The following SQLE variants were observed in gnomAD, a reference collection of about 807,000 sequenced individuals.
SQLE encodes squalene monooxygenase.
A neutral mutation model predicts 60.7 loss-of-function variants in SQLE; 29 were observed. The ratio of observed to expected loss-of-function variants is 0.48; its 90% CI spans 0.36 to 0.65. The LOEUF (loss-of-function observed/expected upper bound fraction) is 0.65, where lower values mean the gene tolerates loss of function less well. SQLE is among the 30% of genes least tolerant of loss of function. SQLE has a pLI of 0.00. For synonymous variants in SQLE, 237 were observed against 246.8 expected (o/e 0.96, Z 0.37); for missense variants, 605 against 684.1 (o/e 0.88, Z 1.29).
rs1563594370 is a variant in SQLE at position 124,999,531 on chromosome 8, C to G, written c.128C>G (p.Ser43Cys). 1 of 1,613,006 alleles carries G rather than the reference C, an allele frequency of 6.2e-7. No individual in the cohort carries two copies. The highest frequency in any genetic ancestry group is 8.5e-7 in the Non-Finnish European group (1 of 1,179,452). ...TTCCTCTCGCTGGGCCTGGTGCTCT[C>G]CTACCGCTGTCGCCACCGAAACGGG... is the stretch of plus-strand genomic sequence containing the variant. The part of the protein sequence containing the change: ...LVFLSLGLVL[S>C]YRCRHRNGGL... Residue 43 changes from serine (S) to cysteine (C), a missense_variant, in exon 1 of 11, where the codon TCC (serine) becomes TGC (cysteine). Coordinates refer to ENST00000265896, the MANE Select transcript of SQLE (RefSeq NM_003129.4).
chr8:125,001,073 A>G (rs939784779), intron 1 of SQLE, among the ~76,000 whole-genome samples: 2 of 152,126 alleles, frequency 1.3e-5, no homozygotes, highest in Non-Finnish European at 2.9e-5. Flanking sequence ...GAGCTTTATG[A>G]GTAGCGCTGA....
At chr8:125,018,939 T>A (rs1281922697) in intron 9 of SQLE, 1 of 505,454 alleles carries the variant, frequency 2.0e-6, no homozygotes, top group South Asian at 2.4e-5. Context: ...ACAACATTAA[T>A]AGCAATGCCT....
chr8:125,014,930 T>G (rs1215487992), intron 7 of SQLE, among the ~76,000 whole-genome samples: 1 of 152,224 alleles, frequency 6.6e-6, no homozygotes, highest in Non-Finnish European at 1.5e-5. Flanking sequence ...TAGGTCTGTT[T>G]GGCCTGTAGT....
At chr8:125,014,155 A>G (rs1294014433) in intron 7 of SQLE, among the ~76,000 whole-genome samples, 2 of 152,156 alleles carry the variant, frequency 1.3e-5, no homozygotes, top group Non-Finnish European at 2.9e-5. Context: ...AAGGTAATGA[A>G]TAAATTTGGG....
intron 1 of SQLE, among the ~76,000 whole-genome samples, chr8:125,000,230 C>T (rs1814820657): frequency 6.6e-6 from 1 of 152,094 alleles, no homozygotes; most frequent in Non-Finnish European, 1.5e-5. Flanking sequence ...GTAGTAATGT[C>T]CTAACATAAA....
chr8:125,009,391 GC>G, intron 6 of SQLE, 48 bp downstream of exon 6: 1 of 1,523,784 alleles, frequency 6.6e-7, no homozygotes, highest in South Asian at 1.2e-5. Flanking sequence ...TCTAAAATAG[GC>G]CAGAGATAAG....
intron 1 of SQLE, among the ~76,000 whole-genome samples, chr8:125,002,334 C>G (rs7001228): frequency 0.32 from 48,338 of 152,026 alleles, 8,923 homozygotes; most frequent in African/African-American, 0.5. Flanking sequence ...ATTAAATTAA[C>G]ATAGATTTTT....
chr8:125,014,362 T>C (rs913479517), intron 7 of SQLE, among the ~76,000 whole-genome samples: 1 of 152,192 alleles, frequency 6.6e-6, no homozygotes, highest in Non-Finnish European at 1.5e-5. Context: ...GATTTTATCT[T>C]TTCAAAGAAC....
rs1183001501 is a variant in SQLE at position 124,999,675 on chromosome 8, A to G, written c.272A>G (p.Glu91Gly). 6.2e-7 allele frequency: 1 copy of G among 1,602,186 alleles called. No individual in the cohort carries two copies. Among genetic ancestry groups the G allele is most frequent in the African/African-American group, 1.3e-5 (1 of 74,468 alleles). The change falls in exon 1 of 11, where the codon GAG becomes GGG. Residue 91 changes from glutamate to glycine, a missense_variant. By Grantham distance (98) the Glu-to-Gly change is moderately conservative (BLOSUM62 -2). Coordinates refer to ENST00000265896, the MANE Select transcript of SQLE (RefSeq NM_003129.4). ...AKSPPESENK[E>G]QLEARRRRKG... is the part of the protein sequence containing the mutation. The stretch of plus-strand genomic sequence containing the variant: ...TCCCCCCCTGAATCAGAAAATAAGG[A>G]GCAGCTCGAGGCCAGGAGGGTAGGT...
At chr8:125,002,495 T>C (rs1814870864) in intron 1 of SQLE, among the ~76,000 whole-genome samples, 1 of 152,050 alleles carries the variant, frequency 6.6e-6, no homozygotes, top group Admixed American at 6.5e-5. Context: ...CTGACCAACA[T>C]GGAGAAGCCC....
At chr8:125,007,313 C>A in intron 3 of SQLE, 78 bp from the exon 4 acceptor site, 1 of 1,071,586 alleles carries the variant, frequency 9.3e-7, no homozygotes, top group Non-Finnish European at 1.3e-6. Flanking sequence ...TATGGATAAA[C>A]TGGAGATAAG....
intron 3 of SQLE, among the ~76,000 whole-genome samples, chr8:125,006,232 A>C (rs932918304): frequency 6.6e-6 from 1 of 152,240 alleles, no homozygotes; most frequent in Non-Finnish European, 1.5e-5. Context: ...CACAGACTAA[A>C]GTATTGACAA....
chr8:125,001,795 T>G (rs575193789), intron 1 of SQLE, among the ~76,000 whole-genome samples: 74 of 101,268 alleles, frequency 7.3e-4, no homozygotes, highest in Middle Eastern at 7.4e-3. Context: ...TCCTTTTTGC[T>G]TGATTATTTT....
At chr8:125,007,549 C>G in intron 4 of SQLE, 62 bp downstream of exon 4, 1 of 1,166,590 alleles carries the variant, frequency 8.6e-7, no homozygotes, top group Non-Finnish European at 1.2e-6. Flanking sequence ...TTTTCACTTA[C>G]CCCTTTAAAA....
intron 6 of SQLE, chr8:125,011,152 A>G (rs1815035007): frequency 6.5e-6 from 1 of 154,732 alleles, no homozygotes; most frequent in Non-Finnish European, 1.4e-5. Flanking sequence ...AGTGTATTTC[A>G]TCTGATTATT....
chr8:125,022,100 A>T lies in SQLE; in HGVS notation c.*155A>T. 2 of 452,364 alleles carry T rather than the reference A, an allele frequency of 4.4e-6. No individual in the cohort carries two copies. Among genetic ancestry groups the T allele is most frequent in the Non-Finnish European group, 7.3e-6 (2 of 273,892 alleles). 28.0% of individuals were successfully genotyped at this position (452,364 alleles called of 1,614,324 possible). The stretch of plus-strand genomic sequence containing the variant: ...TTAATTTGTTTTTGAAGTTTTTTGT[A>T]TATAAATATGTAAATACATGCTTTA... On this transcript the variant is annotated 3_prime_UTR_variant, in exon 11 of 11. Coordinates refer to ENST00000265896, the MANE Select transcript of SQLE (RefSeq NM_003129.4).
chr8:125,007,385 CT>C lies in SQLE; in HGVS notation c.726-3del. The C allele has an allele frequency of 6.6e-7, 1 of 1,517,094 alleles. No homozygotes were observed. Among genetic ancestry groups the C allele is most frequent in the Non-Finnish European group, 8.8e-7 (1 of 1,131,052 alleles). 94.0% of individuals were successfully genotyped at this position (1,517,094 alleles called of 1,614,324 possible). On this transcript the variant is annotated splice_region_variant and splice_polypyrimidine_tract_variant and intron_variant, in intron 3 of 10. Coordinates refer to ENST00000265896, the MANE Select transcript of SQLE (RefSeq NM_003129.4). ...CTTTAGAAATGTATTTTTTTTTATT[CT>C]TTAGTGCAAAGTTTATTGAAGGTGT...
chr8:125,010,080 G>A (rs1212215683), intron 6 of SQLE, among the ~76,000 whole-genome samples: 2 of 152,094 alleles, frequency 1.3e-5, no homozygotes, highest in African/African-American at 4.8e-5. Context: ...TTTACAGATG[G>A]GAGAACTAAG....
In SQLE at chr8:125,018,223, A is replaced by G. The variant is rs543341600; in HGVS notation, c.1347+22A>G. The G allele has an allele frequency of 1.1e-4, 182 of 1,608,706 alleles. 3 individuals carry two copies. In the South Asian group the frequency reaches 1.9e-3, roughly 17 times the overall value. ...CGAGGTAAGATCAATTATTTTGACA[A>G]AAATGTCTCAAAATGGATTTATTTC... On this transcript the variant is annotated intron_variant, in intron 8 of 10. Transcript: ENST00000265896.
Sources: gnomAD v4.1 joint callset for allele counts (sites outside exome capture counted in the v4.1 genomes callset) on GRCh38, gnomAD v4.1.1 for gene constraint, MANE v1.5 for transcripts, NCBI Gene and HGNC (gene_info 2026-07-23, HGNC 2026-07-21) for gene names.